CNTNAP2: variants seen among roughly 807,000 people sequenced by gnomAD.
The protein encoded by CNTNAP2 is contactin-associated protein-like 2.
CNTNAP2 carries 98 observed loss-of-function variants against 155.2 expected under a neutral mutation model. The ratio of observed to expected loss-of-function variants is 0.63; its 90% CI spans 0.54 to 0.75. The LOEUF (loss-of-function observed/expected upper bound fraction) is 0.75. Among genes scored for constraint, CNTNAP2 ranks in the 30% least tolerant of loss-of-function variants. The pLI is 0.00. For synonymous variants in CNTNAP2, 651 were observed against 631.2 expected (o/e 1.03, Z -0.47); for missense variants, 1,727 against 1,688.1 (o/e 1.02, Z -0.40).
intron 15 of CNTNAP2, among the ~76,000 whole-genome samples, chr7:148,039,879 G>A (rs1321284499): frequency 1.3e-5 from 2 of 152,156 alleles, no homozygotes; most frequent in African/African-American, 2.4e-5. Context: ...AACCAATTCA[G>A]AAATTCAGAA....
At chr7:147,540,338 A>G (rs1264120461) in intron 11 of CNTNAP2, among the ~76,000 whole-genome samples, 1 of 151,892 alleles carries the variant, frequency 6.6e-6, no homozygotes, top group Non-Finnish European at 1.5e-5. Flanking sequence ...GTCTGCCTCC[A>G]CTTCATTTTT....
intron 21 of CNTNAP2, among the ~76,000 whole-genome samples, chr7:148,315,423 T>C: frequency 6.6e-6 from 1 of 151,982 alleles, no homozygotes; most frequent in East Asian, 1.9e-4. Context: ...GGGTGCTCAG[T>C]AGGGGAGCTT....
chr7:148,365,600 G>A (rs1364046930), intron 21 of CNTNAP2, among the ~76,000 whole-genome samples: 1 of 152,120 alleles, frequency 6.6e-6, no homozygotes, highest in Non-Finnish European at 1.5e-5. Flanking sequence ...GGGAGGCAGA[G>A]GTTGCAGTGA....
chr7:148,316,002 G>A (rs891272682), intron 21 of CNTNAP2, among the ~76,000 whole-genome samples: 3 of 152,046 alleles, frequency 2.0e-5, no homozygotes, highest in African/African-American at 7.2e-5. Flanking sequence ...ACTTAGTACT[G>A]ATTGCTCTCT....
chr7:146,794,571 G>C (rs888776853), intron 2 of CNTNAP2, among the ~76,000 whole-genome samples: 1 of 152,306 alleles, frequency 6.6e-6, no homozygotes, highest in South Asian at 2.1e-4. Context: ...AGTCATGGGG[G>C]TAGGTATGAT....
At chr7:146,580,330 T>G (rs1406085994) in intron 1 of CNTNAP2, among the ~76,000 whole-genome samples, 1 of 152,118 alleles carries the variant, frequency 6.6e-6, no homozygotes, top group African/African-American at 2.4e-5. Context: ...TTAAAGTTTT[T>G]GTTAGTGAAA....
At chr7:146,527,436 G>A (rs1455845102) in intron 1 of CNTNAP2, among the ~76,000 whole-genome samples, 2 of 152,094 alleles carry the variant, frequency 1.3e-5, no homozygotes, top group African/African-American at 4.8e-5. Flanking sequence ...GAGGATTTCA[G>A]CTACTATGCA....
chr7:147,807,946 T>G (rs139398952), intron 13 of CNTNAP2, among the ~76,000 whole-genome samples: 1 of 152,170 alleles, frequency 6.6e-6, no homozygotes, highest in Admixed American at 6.5e-5. Context: ...TCAAAAAATG[T>G]TTGAGATTCA....
At chr7:147,796,770 C>G (rs553327679) in intron 13 of CNTNAP2, among the ~76,000 whole-genome samples, 30 of 152,228 alleles carry the variant, frequency 2.0e-4, no homozygotes, top group African/African-American at 7.2e-4. Flanking sequence ...TGACTGGAGT[C>G]GAGACAATTA....
intron 8 of CNTNAP2, among the ~76,000 whole-genome samples, chr7:147,297,977 T>C (rs1292078169): frequency 1.3e-5 from 2 of 152,332 alleles, no homozygotes; most frequent in East Asian, 1.9e-4. Flanking sequence ...CCAGAGATGA[T>C]AGTGGGCTCA....
chr7:147,833,199 A>G (rs1257100936), intron 13 of CNTNAP2, among the ~76,000 whole-genome samples: 2 of 151,754 alleles, frequency 1.3e-5, no homozygotes, highest in African/African-American at 4.8e-5. Flanking sequence ...GTATAAAAAT[A>G]TGCGGGAACA....
At position 147,883,502 on chromosome 7, in the gene CNTNAP2, C is replaced by T. The variant is rs559695607; in HGVS notation, c.2099-20063C>T. On this transcript the variant is annotated intron_variant, in intron 13 of 23. Transcript: ENST00000361727. ...TTTGAAAGATAAGCCCAATTATGAA[C>T]ACCAATACAGATTCTGCAAATGTAT... is the stretch of plus-strand genomic sequence containing the variant. 5.9e-5 allele frequency among the ~76,000 whole-genome samples: 9 copies of T among 152,248 alleles called. No individual in the cohort carries two copies. In the South Asian group the frequency reaches 1.9e-3, roughly 32 times the overall value.
intron 12 of CNTNAP2, among the ~76,000 whole-genome samples, chr7:147,582,628 A>G (rs935034238): frequency 6.6e-6 from 1 of 152,180 alleles, no homozygotes; most frequent in African/African-American, 2.4e-5. Flanking sequence ...TTATGCCAAT[A>G]GTGATTTATC....
rs745449281 is a variant in CNTNAP2, at chr7:146,121,119, C to CTTTTTTTTTTTTTT, written c.97+4160_97+4173dup. ...TGTCTTAAAGTTTACATAAAGCTTCCTTTTTTTTTTTTTTTTTTTTTTTTT... is the reference window on the plus strand; with the variant it reads ...TGTCTTAAAGTTTACATAAAGCTTCCTTTTTTTTTTTTTTTTTTTTTTTTTTTTTTTTTTTTTTT... On this transcript the variant is annotated intron_variant, in intron 1 of 23. Coordinates refer to ENST00000361727, the MANE Select transcript of CNTNAP2 (RefSeq NM_014141.6). Among the ~76,000 whole-genome samples, 30 of 65,786 alleles carry CTTTTTTTTTTTTTT rather than the reference C, an allele frequency of 4.6e-4. 1 individual carries two copies. The highest frequency in any genetic ancestry group is 6.6e-4 in the Non-Finnish European group (23 of 34,816). 43.2% of individuals were successfully genotyped at this position (65,786 alleles called of 152,430 possible).
At chr7:147,876,874 G>A (rs1799429044) in intron 13 of CNTNAP2, among the ~76,000 whole-genome samples, 1 of 152,070 alleles carries the variant, frequency 6.6e-6, no homozygotes, top group Admixed American at 6.6e-5. Context: ...GTGCACTGTG[G>A]GGAACTACGG....
intron 3 of CNTNAP2, among the ~76,000 whole-genome samples, chr7:147,016,828 G>A (rs1221808965): frequency 6.6e-6 from 1 of 151,968 alleles, no homozygotes; most frequent in Non-Finnish European, 1.5e-5. Context: ...GCTGGATCCT[G>A]TAGAGATCAC....
intron 1 of CNTNAP2, among the ~76,000 whole-genome samples, chr7:146,242,163 G>C (rs1323740072): frequency 6.6e-6 from 1 of 152,060 alleles, no homozygotes; most frequent in Non-Finnish European, 1.5e-5. Context: ...TCACTGAACT[G>C]GTGATAAAAT....
chr7:146,285,392 A>G (rs1001703986), intron 1 of CNTNAP2, among the ~76,000 whole-genome samples: 3 of 152,140 alleles, frequency 2.0e-5, no homozygotes, highest in Non-Finnish European at 4.4e-5. Context: ...ATACAGAAAC[A>G]TCTGAATCAG....
chr7:146,667,458 G>T (rs1270055884), intron 1 of CNTNAP2, among the ~76,000 whole-genome samples: 2 of 151,388 alleles, frequency 1.3e-5, no homozygotes, highest in African/African-American at 2.4e-5. Flanking sequence ...TGGCTATTTG[G>T]GTCTTTTGTG....
Sources: gnomAD v4.1 joint callset for allele counts (sites outside exome capture counted in the v4.1 genomes callset) on GRCh38, gnomAD v4.1.1 for gene constraint, MANE v1.5 for transcripts, NCBI Gene and HGNC (gene_info 2026-07-23, HGNC 2026-07-21) for gene names.